Variants in DLGAP2 observed in about 807,000 individuals in gnomAD.
The protein encoded by DLGAP2 is disks large-associated protein 2.
DLGAP2 carries 26 observed loss-of-function variants against 100.3 expected under a neutral mutation model. The observed-to-expected ratio is 0.26, with a 90% CI of 0.19 to 0.36. The LOEUF (loss-of-function observed/expected upper bound fraction) is 0.36, where lower values mean the gene tolerates loss of function less well. Among genes scored for constraint, DLGAP2 ranks in the 10% least tolerant of loss-of-function variants. The pLI is 1.00. For synonymous variants in DLGAP2, 886 were observed against 630.1 expected (o/e 1.41, Z -6.08); for missense variants, 1,858 against 1,453.2 (o/e 1.28, Z -4.53).
intron 2 of DLGAP2, among the ~76,000 whole-genome samples, chr8:1,001,417 A>G (rs1011644530): frequency 2.6e-5 from 4 of 152,236 alleles, no homozygotes; most frequent in African/African-American, 9.6e-5. Flanking sequence ...ACAAACTTAA[A>G]GTAATATTTA....
intron 2 of DLGAP2, among the ~76,000 whole-genome samples, chr8:1,129,719 G>A (rs920999535): frequency 1.3e-5 from 2 of 152,120 alleles, no homozygotes; most frequent in African/African-American, 4.8e-5. Context: ...ATTCTCCCAC[G>A]TTGTACCTTT....
intron 1 of DLGAP2, among the ~76,000 whole-genome samples, chr8:785,442 T>C (rs922113716): frequency 6.7e-6 from 1 of 148,432 alleles, no homozygotes; most frequent in Non-Finnish European, 1.5e-5. Flanking sequence ...TCTCCTCCCC[T>C]CAGGTCTCTC....
intron 4 of DLGAP2, among the ~76,000 whole-genome samples, chr8:1,509,829 G>A (rs1284464827): frequency 1.3e-5 from 2 of 152,196 alleles, no homozygotes; most frequent in Non-Finnish European, 2.9e-5. Flanking sequence ...ACCATGATTA[G>A]TATCATTGTC....
chr8:1,545,288 C>T lies in DLGAP2; in HGVS notation c.173-3338C>T, dbSNP rs148029874. 4.6e-3 allele frequency among the ~76,000 whole-genome samples: 704 copies of T among 152,284 alleles called. 9 individuals are homozygous for T. The highest frequency in any genetic ancestry group is 0.016 in the African/African-American group (654 of 41,550). On this transcript the variant is annotated intron_variant, in intron 4 of 14. Transcript: ENST00000637795. Reference sequence around the variant, plus strand: ...CTTTTCGTCCCACAAGCACGGCGTGCACCCTGTAAACATTTGCTGCATTCT... The same window carrying T: ...CTTTTCGTCCCACAAGCACGGCGTGTACCCTGTAAACATTTGCTGCATTCT...
intron 6 of DLGAP2, 51 bp downstream of exon 6, chr8:1,565,945 G>A (rs368905053): frequency 1.5e-5 from 22 of 1,484,626 alleles, no homozygotes; most frequent in Admixed American, 4.4e-5. Flanking sequence ...CACTGCCTGC[G>A]AGCTCCCTCT....
rs570030908 is a variant in DLGAP2, at chr8:1,073,531, A to G, written c.73+165565A>G. On this transcript the variant is annotated intron_variant, in intron 2 of 14. Transcript: ENST00000637795. ...GAACAAAACGGTTGATTCAGGATAAATAGCATGCGTTCTCTTACTTTTCCA... is the reference window on the plus strand; with the variant it reads ...GAACAAAACGGTTGATTCAGGATAAGTAGCATGCGTTCTCTTACTTTTCCA... 9.8e-5 allele frequency among the ~76,000 whole-genome samples: 15 copies of G among 152,360 alleles called. No individual in the cohort carries two copies. The East Asian group carries it at 2.9e-3, about 29-fold the overall frequency.
chr8:1,034,533 C>T (rs1802075604), intron 2 of DLGAP2, among the ~76,000 whole-genome samples: 1 of 94,274 alleles, frequency 1.1e-5, no homozygotes, highest in Admixed American at 9.3e-5. Flanking sequence ...ACCCTCATCC[C>T]GACCCCGCGT....
chr8:1,549,539 C>A lies in DLGAP2; in HGVS notation c.1086C>A (p.Asp362Glu), dbSNP rs758718171. 1.2e-6 allele frequency: 2 copies of A among 1,613,370 alleles called. No individual in the cohort carries two copies. Among genetic ancestry groups the A allele is most frequent in the Admixed American group, 1.7e-5 (1 of 60,026 alleles). ...SACEGLALTP[D>E]AKYLKRSSWS... ...GTGAGGGGTTGGCGCTGACGCCCGA[C>A]GCCAAGTACCTGAAGCGCAGCTCCT... Residue 362 changes from aspartate to glutamate, a missense_variant, in exon 5 of 15, where the codon GAC becomes GAA. Transcript: ENST00000637795.
At chr8:1,409,696 C>T (rs565554479) in intron 3 of DLGAP2, among the ~76,000 whole-genome samples, 113 of 152,270 alleles carry the variant, frequency 7.4e-4, no homozygotes, top group African/African-American at 2.7e-3. Flanking sequence ...GCAGACCCCA[C>T]CCCAGTGCAG....
chr8:1,319,148 C>T (rs757795862), intron 3 of DLGAP2, among the ~76,000 whole-genome samples: 3 of 152,166 alleles, frequency 2.0e-5, no homozygotes, highest in Non-Finnish European at 4.4e-5. Context: ...CTTGTGCTCG[C>T]TGCCTCCCTG....
At chr8:1,267,565 A>AATAAT (rs1554429905) in intron 3 of DLGAP2, among the ~76,000 whole-genome samples, 19 of 49,038 alleles carry the variant, frequency 3.9e-4, no homozygotes, top group African/African-American at 1.8e-3. Flanking sequence ...GCTCAAAATA[A>AATAAT]AATAAAATAA....
At chr8:1,334,064 C>A (rs1450182351) in intron 3 of DLGAP2, among the ~76,000 whole-genome samples, 2 of 152,232 alleles carry the variant, frequency 1.3e-5, no homozygotes, top group African/African-American at 4.8e-5. Context: ...CTGAGAGACC[C>A]CTGTGCCCCT....
intron 3 of DLGAP2, among the ~76,000 whole-genome samples, chr8:1,342,175 G>A (rs1801433334): frequency 6.6e-6 from 1 of 152,018 alleles, no homozygotes; most frequent in African/African-American, 2.4e-5. Context: ...CTCAATACCT[G>A]GTCTCAAGCA....
At chr8:1,366,989 C>G (rs893648980) in intron 3 of DLGAP2, among the ~76,000 whole-genome samples, 5 of 150,994 alleles carry the variant, frequency 3.3e-5, no homozygotes, top group African/African-American at 4.9e-5. Context: ...CCACAGACCC[C>G]GGTAAATAAC....
At chr8:1,553,573 A>G (rs1011020473) in intron 5 of DLGAP2, among the ~76,000 whole-genome samples, 2 of 152,174 alleles carry the variant, frequency 1.3e-5, no homozygotes, top group African/African-American at 4.8e-5. Context: ...GGCAGAAAAG[A>G]ACACAGAGGG....
chr8:1,193,505 C>G (rs1243911125), intron 2 of DLGAP2, among the ~76,000 whole-genome samples: 1 of 152,204 alleles, frequency 6.6e-6, no homozygotes, highest in Non-Finnish European at 1.5e-5. Flanking sequence ...TCACTTAGCA[C>G]CATGCGTTCA....
intron 14 of DLGAP2, among the ~76,000 whole-genome samples, chr8:1,700,065 T>A (rs958253177): frequency 6.6e-6 from 1 of 152,200 alleles, no homozygotes; most frequent in Non-Finnish European, 1.5e-5. Context: ...GTAAGAGTCA[T>A]TGCTTCTGGC....
chr8:1,388,777 C>T (rs1397459778), intron 3 of DLGAP2, among the ~76,000 whole-genome samples: 1 of 120,362 alleles, frequency 8.3e-6, no homozygotes, highest in East Asian at 2.8e-4. Context: ...GATGAGGAGG[C>T]GCTGGTTCAA....
chr8:1,372,574 C>G (rs558871275), intron 3 of DLGAP2, among the ~76,000 whole-genome samples: 2 of 152,266 alleles, frequency 1.3e-5, no homozygotes, highest in South Asian at 4.1e-4. Context: ...CTGCTGCCTG[C>G]TAGATGCCAG....
Sources: gnomAD v4.1 joint callset for allele counts (sites outside exome capture counted in the v4.1 genomes callset) on GRCh38, gnomAD v4.1.1 for gene constraint, MANE v1.5 for transcripts, NCBI Gene and HGNC (gene_info 2026-07-23, HGNC 2026-07-21) for gene names.